Variants in ROBO2 observed in about 807,000 individuals in gnomAD.
ROBO2 encodes roundabout homolog 2.
In ROBO2, 53 loss-of-function variants were observed where a neutral mutation model predicts 160.8. The observed-to-expected ratio is 0.33, with a 90% CI of 0.26 to 0.41. The LOEUF (loss-of-function observed/expected upper bound fraction) is 0.41, where lower values mean the gene tolerates loss of function less well. Among genes scored for constraint, ROBO2 ranks in the 10% least tolerant of loss-of-function variants. The pLI, the probability that ROBO2 is intolerant of heterozygous loss-of-function variation, is 1.00. For synonymous variants in ROBO2, 664 were observed against 611.7 expected (o/e 1.09, Z -1.26); for missense variants, 1,577 against 1,722.4 (o/e 0.92, Z 1.49).
chr3:77,170,426 C>G (rs891798226), intron 2 of ROBO2, among the ~76,000 whole-genome samples: 1 of 152,038 alleles, frequency 6.6e-6, no homozygotes, highest in African/African-American at 2.4e-5. Flanking sequence ...CCTTAAAGCA[C>G]TTAAAATGAT....
chr3:77,587,460 A>C (rs999260798), intron 16 of ROBO2, among the ~76,000 whole-genome samples: 1 of 152,108 alleles, frequency 6.6e-6, no homozygotes, highest in African/African-American at 2.4e-5. Flanking sequence ...CACTCATGAC[A>C]CTGAGGTTGA....
At chr3:76,358,765 A>AT (rs530339146) in intron 2 of ROBO2, among the ~76,000 whole-genome samples, 11 of 151,672 alleles carry the variant, frequency 7.3e-5, no homozygotes, top group East Asian at 1.9e-4. Flanking sequence ...TGCTGTTTAA[A>AT]TTTTTTTTAT....
At chr3:76,904,185 T>C (rs988096816) in intron 2 of ROBO2, among the ~76,000 whole-genome samples, 2 of 152,168 alleles carry the variant, frequency 1.3e-5, no homozygotes, top group Non-Finnish European at 2.9e-5. Context: ...TATTTGTAAA[T>C]AATTTGCTGA....
chr3:76,846,526 T>C (rs186403099), intron 2 of ROBO2, among the ~76,000 whole-genome samples: 7 of 152,258 alleles, frequency 4.6e-5, no homozygotes, highest in Admixed American at 4.6e-4. Context: ...TGAATGACTA[T>C]TTGAAGAATC....
intron 2 of ROBO2, among the ~76,000 whole-genome samples, chr3:76,300,366 A>G (rs1709294850): frequency 6.6e-6 from 1 of 152,028 alleles, no homozygotes; most frequent in African/African-American, 2.4e-5. Flanking sequence ...TTTTATTCCA[A>G]GAAAATGTTT....
chr3:77,378,630 TAG>T (rs1379141076), intron 2 of ROBO2, among the ~76,000 whole-genome samples: 1 of 152,138 alleles, frequency 6.6e-6, no homozygotes, highest in Non-Finnish European at 1.5e-5. Flanking sequence ...ACTGTATAAA[TAG>T]AGAGATATGA....
At chr3:77,373,957 G>C (rs1581441955) in intron 2 of ROBO2, among the ~76,000 whole-genome samples, 1 of 150,708 alleles carries the variant, frequency 6.6e-6, no homozygotes, top group East Asian at 2.0e-4. Flanking sequence ...AGGATCACCT[G>C]AGGTCAGGAG....
Position 76,791,934 on chromosome 3 carries a change from G to A in ROBO2, c.110-306080G>A, listed in dbSNP as rs193253907. Among the ~76,000 whole-genome samples the A allele has an allele frequency of 1.3e-3, 204 of 151,866 alleles. 11 individuals are homozygous for A. In the South Asian group the frequency reaches 0.04, roughly 30 times the overall value. On this transcript the variant is annotated intron_variant, in intron 2 of 26. Coordinates refer to the ROBO2 transcript ENST00000487694. ...TGTTAATTATTATAAATAATCAAGA[G>A]GTAATTTAAAGTACATAGGAAGATG... is the stretch of plus-strand genomic sequence containing the variant.
intron 2 of ROBO2, among the ~76,000 whole-genome samples, chr3:76,561,154 A>G (rs969015822): frequency 6.6e-6 from 1 of 151,696 alleles, no homozygotes; most frequent in Non-Finnish European, 1.5e-5. Context: ...TCATGTTCCA[A>G]CCTTAACTAG....
chr3:76,680,434 C>A (rs2092529654), intron 2 of ROBO2, among the ~76,000 whole-genome samples: 1 of 150,186 alleles, frequency 6.7e-6, no homozygotes, highest in Admixed American at 6.6e-5. Context: ...CTTAAACTGT[C>A]CATTTAAAAT....
chr3:76,753,754 C>T (rs3884314), intron 2 of ROBO2, among the ~76,000 whole-genome samples: 98,699 of 151,646 alleles, frequency 0.65, 32,314 homozygotes, highest in African/African-American at 0.72. Context: ...ATTAAAATTT[C>T]CCCTGTCTCA....
chr3:76,065,730 A>ATATATATATATAT (rs753797432), intron 2 of ROBO2, among the ~76,000 whole-genome samples: 2 of 137,010 alleles, frequency 1.5e-5, no homozygotes, highest in African/African-American at 6.0e-5. Flanking sequence ...ATGCATATTT[A>ATATATATATATAT]AACTAAATAT....
chr3:77,076,642 A>T (rs549179648), intron 1 of ROBO2, among the ~76,000 whole-genome samples: 1 of 152,166 alleles, frequency 6.6e-6, no homozygotes, highest in African/African-American at 2.4e-5. Flanking sequence ...AACTTGAATA[A>T]AACTGTTCAA....
At chr3:76,669,980 T>C (rs888026640) in intron 2 of ROBO2, among the ~76,000 whole-genome samples, 9 of 152,130 alleles carry the variant, frequency 5.9e-5, no homozygotes, top group African/African-American at 2.2e-4. Context: ...ATCATATTTT[T>C]CCTGTGATAA....
At chr3:77,116,447 C>G (rs890252540) in intron 2 of ROBO2, among the ~76,000 whole-genome samples, 8 of 152,106 alleles carry the variant, frequency 5.3e-5, no homozygotes, top group Admixed American at 3.9e-4. Context: ...GGCCCAGCAG[C>G]CTTTTTGCAA....
At chr3:76,899,177 TG>T (rs1365421957) in intron 2 of ROBO2, among the ~76,000 whole-genome samples, 1 of 152,078 alleles carries the variant, frequency 6.6e-6, no homozygotes, top group East Asian at 1.9e-4. Context: ...TTCAAGGTAA[TG>T]GGGGAAGTTT....
At chr3:77,088,773 C>T (rs961188684) in intron 1 of ROBO2, among the ~76,000 whole-genome samples, 2 of 152,050 alleles carry the variant, frequency 1.3e-5, no homozygotes, top group Non-Finnish European at 2.9e-5. Flanking sequence ...CATGTGATAT[C>T]CATTGCTTTT....
intron 2 of ROBO2, among the ~76,000 whole-genome samples, chr3:77,193,571 A>G (rs1433763270): frequency 6.6e-6 from 1 of 151,982 alleles, no homozygotes; most frequent in South Asian, 2.1e-4. Context: ...GTAATCTTCT[A>G]TGTACTTACA....
chr3:76,759,875 C>T (rs765817100), intron 2 of ROBO2, among the ~76,000 whole-genome samples: 12 of 151,718 alleles, frequency 7.9e-5, no homozygotes, highest in Admixed American at 6.6e-5. Flanking sequence ...AGCGGCTCCG[C>T]GATTCTCTTC....
Sources: gnomAD v4.1 joint callset for allele counts (sites outside exome capture counted in the v4.1 genomes callset) on GRCh38, gnomAD v4.1.1 for gene constraint, MANE v1.5 for transcripts, NCBI Gene and HGNC (gene_info 2026-07-23, HGNC 2026-07-21) for gene names.